Variants in ST6GALNAC3 observed in about 807,000 individuals in gnomAD.
The protein encoded by ST6GALNAC3 is alpha-N-acetylgalactosaminide alpha-2,6-sialyltransferase 3.
Under a neutral mutation model 32.7 loss-of-function variants are expected in ST6GALNAC3, and 25 were observed. That is an observed-to-expected ratio of 0.76 (90% confidence interval 0.56 to 1.07). The LOEUF is 1.07. Among genes scored for constraint, ST6GALNAC3 ranks in the 50% least tolerant of loss-of-function variants. The pLI, the probability that ST6GALNAC3 is intolerant of heterozygous loss-of-function variation, is 0.00. For missense variants in ST6GALNAC3, 355 were observed against 382.4 expected, an observed-to-expected ratio of 0.93 and a Z score of 0.60; for synonymous variants, 129 against 133.1, an observed-to-expected ratio of 0.97 and a Z score of 0.21.
At chr1:76,528,048 T>C in intron 3 of ST6GALNAC3, among the ~76,000 whole-genome samples, 1 of 152,274 alleles carries the variant, frequency 6.6e-6, no homozygotes, top group East Asian at 1.9e-4. Flanking sequence ...TAGGTAAAGA[T>C]CATTATGTGT....
chr1:76,360,907 A>T lies in ST6GALNAC3; in HGVS notation c.213+46908A>T, dbSNP rs17098830. On this transcript the variant is annotated intron_variant, in intron 2 of 4. Transcript: ENST00000328299. ...CCTTTCATGTATTCCTGTTCACTTA[A>T]TCCTGTCAAAATAGAAGATTTTGTG... 3.2e-3 allele frequency among the ~76,000 whole-genome samples: 490 copies of T among 152,274 alleles called. 3 individuals are homozygous for T. The highest frequency in any genetic ancestry group is 0.011 in the African/African-American group (474 of 41,554).
At chr1:76,259,472 G>A (rs1658104035) in intron 1 of ST6GALNAC3, among the ~76,000 whole-genome samples, 1 of 152,082 alleles carries the variant, frequency 6.6e-6, no homozygotes, top group Non-Finnish European at 1.5e-5. Context: ...CATAATGCCT[G>A]GCACCCAGTC....
chr1:76,599,860 C>T (rs553821972), intron 3 of ST6GALNAC3, among the ~76,000 whole-genome samples: 4 of 151,898 alleles, frequency 2.6e-5, no homozygotes, highest in African/African-American at 9.7e-5. Context: ...TATTCACACA[C>T]AATTTTCAGA....
At chr1:76,309,847 C>G (rs1646722942) in intron 1 of ST6GALNAC3, 2 of 424,520 alleles carry the variant, frequency 4.7e-6, no homozygotes, top group Non-Finnish European at 9.4e-6. Flanking sequence ...TCTCTGTGCT[C>G]ATTACTTGGT....
At chr1:76,414,451 A>G (rs1399947072) in intron 3 of ST6GALNAC3, among the ~76,000 whole-genome samples, 1 of 152,030 alleles carries the variant, frequency 6.6e-6, no homozygotes, top group Non-Finnish European at 1.5e-5. Flanking sequence ...GATCAAAATG[A>G]CCTCAGAAGC....
At chr1:76,473,582 T>G (rs1471578481) in intron 3 of ST6GALNAC3, among the ~76,000 whole-genome samples, 1 of 152,194 alleles carries the variant, frequency 6.6e-6, no homozygotes, top group Admixed American at 6.6e-5. Context: ...ATATCCTGCC[T>G]CTATTCCACC....
intron 1 of ST6GALNAC3, among the ~76,000 whole-genome samples, chr1:76,259,573 C>T (rs180817132): frequency 2.6e-4 from 40 of 152,268 alleles, no homozygotes; most frequent in Non-Finnish European, 4.6e-4. Context: ...CTGTTGAATA[C>T]ACCCATCAGT....
At chr1:76,535,235 G>A (rs1310507384) in intron 3 of ST6GALNAC3, among the ~76,000 whole-genome samples, 5 of 152,018 alleles carry the variant, frequency 3.3e-5, no homozygotes, top group African/African-American at 1.2e-4. Context: ...CACACAATAA[G>A]TCCTAAATAG....
chr1:76,088,186 C>T (rs1571118011), intron 1 of ST6GALNAC3, among the ~76,000 whole-genome samples: 1 of 152,160 alleles, frequency 6.6e-6, no homozygotes, highest in East Asian at 1.9e-4. Flanking sequence ...CAAAACTATT[C>T]TGTGGCAGTG....
At chr1:76,276,760 A>G (rs1265127756) in intron 1 of ST6GALNAC3, among the ~76,000 whole-genome samples, 1 of 152,210 alleles carries the variant, frequency 6.6e-6, no homozygotes, top group African/African-American at 2.4e-5. Context: ...TCCAAAATAG[A>G]ATAATATTTT....
At chr1:76,437,503 T>C (rs1656221063) in intron 3 of ST6GALNAC3, among the ~76,000 whole-genome samples, 1 of 152,042 alleles carries the variant, frequency 6.6e-6, no homozygotes, top group Admixed American at 6.6e-5. Context: ...TGGTGCCCAA[T>C]GAAGTCTTTT....
At chr1:76,080,712 C>T (rs2100720613) in intron 1 of ST6GALNAC3, among the ~76,000 whole-genome samples, 1 of 151,706 alleles carries the variant, frequency 6.6e-6, no homozygotes, top group South Asian at 2.1e-4. Context: ...GGTCTCAAAG[C>T]ATTTGAAAAC....
intron 3 of ST6GALNAC3, among the ~76,000 whole-genome samples, chr1:76,626,603 T>A (rs1648984122): frequency 6.6e-6 from 1 of 151,970 alleles, no homozygotes. Context: ...TGTGATTTTG[T>A]CCTTGCCCTT....
At chr1:76,529,448 C>T (rs1663117348) in intron 3 of ST6GALNAC3, among the ~76,000 whole-genome samples, 1 of 152,018 alleles carries the variant, frequency 6.6e-6, no homozygotes, top group Non-Finnish European at 1.5e-5. Flanking sequence ...AACTAGCAGC[C>T]AAGTTATTAG....
chr1:76,626,698 G>T (rs930970845), intron 3 of ST6GALNAC3, among the ~76,000 whole-genome samples: 2 of 151,576 alleles, frequency 1.3e-5, no homozygotes. Flanking sequence ...TCAGATCTTT[G>T]TTCCCATGAT....
intron 1 of ST6GALNAC3, among the ~76,000 whole-genome samples, chr1:76,246,636 T>C (rs1657276921): frequency 1.3e-5 from 2 of 152,194 alleles, no homozygotes. Flanking sequence ...GTTCTCATGC[T>C]GTGTTTTTCA....
chr1:76,565,538 G>A (rs71656890), intron 3 of ST6GALNAC3, among the ~76,000 whole-genome samples: 3,631 of 152,100 alleles, frequency 0.024, 69 homozygotes, highest in Non-Finnish European at 0.039. Flanking sequence ...CTTCTTACTG[G>A]GTCACTAAGC....
chr1:76,370,675 C>T (rs773464490), intron 2 of ST6GALNAC3, among the ~76,000 whole-genome samples: 2 of 151,858 alleles, frequency 1.3e-5, no homozygotes, highest in Non-Finnish European at 2.9e-5. Context: ...CTTTTTGGGC[C>T]CTAGAAACTG....
Position 76,629,326 on chromosome 1 carries a change from C to T in ST6GALNAC3, c.*520C>T, listed in dbSNP as rs767788825. ...TTAGCCTAAGGATGGGAAAATATCTCTTCCTAATATACCATCTTTCTACAG... is the reference window on the plus strand; with the variant it reads ...TTAGCCTAAGGATGGGAAAATATCTTTTCCTAATATACCATCTTTCTACAG... On this transcript the variant is annotated 3_prime_UTR_variant, in exon 5 of 5. Coordinates refer to ENST00000328299, the MANE Select transcript of ST6GALNAC3 (RefSeq NM_152996.4). 1.2e-5 allele frequency: 12 copies of T among 985,664 alleles called. No individual in the cohort carries two copies. The highest frequency in any genetic ancestry group is 5.1e-4 in the Middle Eastern group (1 of 1,942). 61.1% of individuals were successfully genotyped at this position (985,664 alleles called of 1,614,324 possible). A position where few individuals can be genotyped will look rare whatever the true frequency, so the allele number is the denominator to read the frequency against.
Sources: gnomAD v4.1 joint callset for allele counts (sites outside exome capture counted in the v4.1 genomes callset) on GRCh38, gnomAD v4.1.1 for gene constraint, MANE v1.5 for transcripts, NCBI Gene and HGNC (gene_info 2026-07-23, HGNC 2026-07-21) for gene names.